MED12L: variants seen among roughly 807,000 people sequenced by gnomAD.
MED12L encodes the protein mediator complex subunit 12L.
In MED12L, 60 loss-of-function variants were observed where a neutral mutation model predicts 281.3. The observed-to-expected ratio is 0.21, with a 90% CI of 0.17 to 0.26. MED12L has a LOEUF of 0.26. MED12L is among the 10% of genes least tolerant of loss of function. The probability of loss-of-function intolerance (pLI) is 1.00; values close to 1 mark genes in which losing one functional copy is unlikely to be tolerated. For missense variants in MED12L, 2,146 were observed against 2,680.9 expected (o/e 0.80, Z 4.41); for synonymous variants, 974 against 987.2 (o/e 0.99, Z 0.25).
intron 16 of MED12L, among the ~76,000 whole-genome samples, chr3:151,220,944 T>C (rs952915031): frequency 6.6e-6 from 1 of 152,222 alleles, no homozygotes; most frequent in Non-Finnish European, 1.5e-5. Flanking sequence ...CAGGAAAATG[T>C]AGGTAAGTTT....
chr3:151,419,838 C>A (rs2108414705), intron 43 of MED12L, among the ~76,000 whole-genome samples: 1 of 152,298 alleles, frequency 6.6e-6, no homozygotes, highest in South Asian at 2.1e-4. Flanking sequence ...AATCCTATGT[C>A]ACATGATAAA....
chr3:151,156,208 A>G lies in MED12L; in HGVS notation c.604A>G (p.Ile202Val). ...ATATCTTCGAGAGCAGTTGGCCAAG[A>G]TTTCTGACTTTTACCACATGGCCTC... ...TRYLREQLAKISDFYHMASST... is the reference protein window; with the variant it reads ...TRYLREQLAKVSDFYHMASST... The change falls in exon 6 of 45, where the codon ATT (isoleucine) becomes GTT (valine). Residue 202 changes from isoleucine to valine, a missense_variant. Transcript: ENST00000687756. 1.2e-6 allele frequency: 2 copies of G among 1,613,096 alleles called. No individual in the cohort carries two copies. Among genetic ancestry groups the G allele is most frequent in the Non-Finnish European group, 8.5e-7 (1 of 1,179,658 alleles).
At chr3:151,180,314 A>G (rs1722563056) in intron 11 of MED12L, among the ~76,000 whole-genome samples, 1 of 152,186 alleles carries the variant, frequency 6.6e-6, no homozygotes, top group Admixed American at 6.5e-5. Flanking sequence ...GTTGGGACAG[A>G]TGTATGCTCC....
intron 16 of MED12L, among the ~76,000 whole-genome samples, chr3:151,304,623 C>A (rs1254063959): frequency 6.6e-6 from 1 of 151,444 alleles, no homozygotes; most frequent in Non-Finnish European, 1.5e-5. Flanking sequence ...CTGCCTTGAC[C>A]TCTAGCCAAG....
intron 16 of MED12L, among the ~76,000 whole-genome samples, chr3:151,211,575 C>G (rs1411128433): frequency 6.6e-6 from 1 of 152,176 alleles, no homozygotes; most frequent in African/African-American, 2.4e-5. Context: ...ACCTGTCCAG[C>G]TTTTCCCCAA....
intron 16 of MED12L, among the ~76,000 whole-genome samples, chr3:151,220,898 C>T (rs1457786328): frequency 6.6e-6 from 1 of 152,110 alleles, no homozygotes; most frequent in Non-Finnish European, 1.5e-5. Flanking sequence ...GGGCAACAGG[C>T]AGAGATTGGA....
intron 2 of MED12L, among the ~76,000 whole-genome samples, chr3:151,115,493 C>T (rs1446943310): frequency 2.6e-5 from 4 of 151,446 alleles, no homozygotes; most frequent in East Asian, 3.9e-4. Context: ...GGATCACAGG[C>T]ACCTGCCACC....
rs34434571 is a variant in MED12L, at chr3:151,165,990, A to AT, written c.1494+17dup. On this transcript the variant is annotated intron_variant, in intron 11 of 44. Coordinates refer to ENST00000687756, the MANE Select transcript of MED12L (RefSeq NM_001393769.1). ...AACAAAGATAACCAAGAGGTAGTTA[A>AT]TTTTTTTTTAATTCTTTTCACCTTT... 102,903 of 1,582,056 alleles carry AT rather than the reference A, an allele frequency of 0.065. 3,522 individuals are homozygous for AT. The highest frequency in any genetic ancestry group is 0.1 in the Middle Eastern group (602 of 5,922).
chr3:151,114,522 C>G (rs1183725241), intron 2 of MED12L, among the ~76,000 whole-genome samples: 1 of 152,158 alleles, frequency 6.6e-6, no homozygotes, highest in African/African-American at 2.4e-5. Context: ...TGATCAATTG[C>G]TGTTTTTCAT....
intron 16 of MED12L, chr3:151,278,290 C>T (rs868623121): frequency 1.3e-5 from 2 of 152,206 alleles, no homozygotes; most frequent in Non-Finnish European, 2.9e-5. Context: ...TTCTTACCTG[C>T]GTCTAGGCCT....
Position 151,134,106 on chromosome 3 carries a change from G to A in MED12L, c.556+6122G>A, listed in dbSNP as rs752817933. On this transcript the variant is annotated intron_variant, in intron 5 of 44. Transcript: ENST00000687756. The stretch of plus-strand genomic sequence containing the variant: ...GCATTTCAAGGTTGAATCAGCTCCC[G>A]ATGTGTGCTGGGTAATGATCTAGGT... 4.0e-4 allele frequency among the ~76,000 whole-genome samples: 61 copies of A among 152,096 alleles called. 1 individual carries two copies. In the Middle Eastern group the frequency reaches 0.01, roughly 26 times the overall value.
chr3:151,302,295 T>G (rs955965174), intron 16 of MED12L, among the ~76,000 whole-genome samples: 1 of 152,194 alleles, frequency 6.6e-6, no homozygotes, highest in Non-Finnish European at 1.5e-5. Context: ...GTAAGGCAAT[T>G]CTTGAATTAT....
intron 44 of MED12L, among the ~76,000 whole-genome samples, chr3:151,431,706 C>A (rs1020997672): frequency 3.3e-5 from 5 of 152,242 alleles, no homozygotes; most frequent in Non-Finnish European, 5.9e-5. Flanking sequence ...TATAAAGTGG[C>A]ATCTGTTTGG....
intron 2 of MED12L, among the ~76,000 whole-genome samples, chr3:151,087,313 G>A (rs1719386791): frequency 6.6e-6 from 1 of 152,236 alleles, no homozygotes; most frequent in Non-Finnish European, 1.5e-5. Flanking sequence ...CTTCCCTGCC[G>A]AAACCTTGCT....
Position 151,367,631 on chromosome 3 carries a change from A to G in MED12L, c.3328-15A>G, listed in dbSNP as rs1755447529. On this transcript the variant is annotated splice_polypyrimidine_tract_variant and intron_variant, in intron 23 of 44. Transcript: ENST00000687756. The stretch of plus-strand genomic sequence containing the variant: ...GGTTGTTAGGTATTAAAACCTGTCA[A>G]TGTTTTTCTTGAAGGTGAGTGACCT... 1 of 1,596,958 alleles carries G rather than the reference A, an allele frequency of 6.3e-7. No homozygotes were observed. The highest frequency in any genetic ancestry group is 8.6e-7 in the Non-Finnish European group (1 of 1,168,862).
intron 16 of MED12L, among the ~76,000 whole-genome samples, chr3:151,236,820 T>C (rs1732916591): frequency 6.6e-6 from 1 of 152,214 alleles, no homozygotes; most frequent in South Asian, 2.1e-4. Flanking sequence ...TAATTAATTT[T>C]GTTTTGGTTA....
intron 16 of MED12L, among the ~76,000 whole-genome samples, chr3:151,317,276 C>A (rs2149803781): frequency 6.6e-6 from 1 of 151,574 alleles, no homozygotes; most frequent in Middle Eastern, 3.4e-3. Flanking sequence ...ACACAATAGA[C>A]ATATTTTTAC....
intron 2 of MED12L, among the ~76,000 whole-genome samples, chr3:151,107,359 A>G (rs368631985): frequency 8.6e-4 from 131 of 152,282 alleles, no homozygotes; most frequent in African/African-American, 2.9e-3. Flanking sequence ...TTTTCAGAGC[A>G]TTCTTGTCTA....
chr3:151,135,604 G>A (rs1716031632), intron 5 of MED12L, among the ~76,000 whole-genome samples: 1 of 152,202 alleles, frequency 6.6e-6, no homozygotes, highest in African/African-American at 2.4e-5. Flanking sequence ...TCCCTGCCCA[G>A]GCACCTGCCA....
Sources: gnomAD v4.1 joint callset for allele counts (sites outside exome capture counted in the v4.1 genomes callset) on GRCh38, gnomAD v4.1.1 for gene constraint, MANE v1.5 for transcripts, NCBI Gene and HGNC (gene_info 2026-07-23, HGNC 2026-07-21) for gene names.